The following FASTKD1 variants were observed in gnomAD, a reference collection of about 807,000 sequenced individuals.
The protein encoded by FASTKD1 is FAST kinase domains 1.
In FASTKD1, 94 loss-of-function variants were observed where a neutral mutation model predicts 90.9. The ratio of observed to expected loss-of-function variants is 1.03; its 90% confidence interval spans 0.88 to 1.23. The LOEUF is 1.23. FASTKD1 is among the 50% of genes most tolerant of loss of function. The pLI, the probability that FASTKD1 is intolerant of heterozygous loss-of-function variation, is 0.00. For synonymous variants in FASTKD1, 319 were observed against 345.8 expected (o/e 0.92, Z 0.86); for missense variants, 945 against 993.5 (o/e 0.95, Z 0.66).
chr2:169,564,371 A>G (rs1362162560), intron 3 of FASTKD1, among the ~76,000 whole-genome samples: 1 of 152,038 alleles, frequency 6.6e-6, no homozygotes, highest in Admixed American at 6.6e-5. Context: ...GCCCAGGCTG[A>G]ACTTGAACAT....
Position 169,529,814 on chromosome 2 carries a change from T to G in FASTKD1, c.*11A>C, listed in dbSNP as rs1359348156. The G allele has an allele frequency of 5.7e-6, 9 of 1,576,060 alleles. No individual in the cohort carries two copies. Among genetic ancestry groups the G allele is most frequent in the Non-Finnish European group, 7.8e-6 (9 of 1,153,140 alleles). On this transcript the variant is annotated 3_prime_UTR_variant, in exon 15 of 15. Transcript: ENST00000453153. ...AATGTAACACACGATAACATTCATT[T>G]TAAATAAAAACTACAAACATGACTT...
chr2:169,532,402 C>CA (rs57524382), intron 12 of FASTKD1, among the ~76,000 whole-genome samples: 19,315 of 80,372 alleles, frequency 0.24, 1,434 homozygotes, highest in East Asian at 0.4. Context: ...CAGAGCCAGA[C>CA]AAAAAAAAAA....
intron 4 of FASTKD1, among the ~76,000 whole-genome samples, chr2:169,561,882 T>G (rs1386084155): frequency 7.0e-5 from 10 of 143,618 alleles, no homozygotes; most frequent in African/African-American, 1.7e-4. Flanking sequence ...TATTAATTTA[T>G]TGTAAATTAT....
chr2:169,563,800 A>T (rs78315628), intron 3 of FASTKD1, among the ~76,000 whole-genome samples: 2 of 152,176 alleles, frequency 1.3e-5, no homozygotes, highest in Non-Finnish European at 2.9e-5. Context: ...CACATATGTA[A>T]TAGCAAAACC....
chr2:169,529,443 G>C lies in FASTKD1; in HGVS notation c.*382C>G, dbSNP rs961852856. 6.6e-6 allele frequency among the ~76,000 whole-genome samples: 1 copy of C among 152,146 alleles called. No individual in the cohort carries two copies. The highest frequency in any genetic ancestry group is 2.4e-5 in the African/African-American group (1 of 41,432). ...ACCATCCATTGTTGTCTGGATTATT[G>C]CAATGACCTCGTAAAGAGTTTTCTT... On this transcript the variant is annotated 3_prime_UTR_variant, in exon 15 of 15. Transcript: ENST00000453153.
At chr2:169,562,569 T>C (rs1055728462) in intron 4 of FASTKD1, among the ~76,000 whole-genome samples, 3 of 152,144 alleles carry the variant, frequency 2.0e-5, no homozygotes, top group Admixed American at 6.6e-5. Flanking sequence ...TTCTTGGGTT[T>C]ACTTCATGAT....
intron 10 of FASTKD1, among the ~76,000 whole-genome samples, chr2:169,539,160 C>T (rs1030945843): frequency 1.1e-4 from 16 of 151,402 alleles, no homozygotes; most frequent in Admixed American, 3.3e-4. Flanking sequence ...CCCCGCTACT[C>T]GAGAGGCTGA....
At chr2:169,547,306 G>T (rs1685249987) in intron 7 of FASTKD1, among the ~76,000 whole-genome samples, 1 of 152,212 alleles carries the variant, frequency 6.6e-6, no homozygotes, top group Non-Finnish European at 1.5e-5. Context: ...CTATCCGGAA[G>T]CAGTCCAAAC....
intron 14 of FASTKD1, 78 bp from the exon 15 acceptor site, chr2:169,530,004 C>T: frequency 5.3e-6 from 5 of 937,836 alleles, no homozygotes; most frequent in Non-Finnish European, 6.6e-6. Flanking sequence ...ATAAGCACTA[C>T]TGATCAAAGC....
chr2:169,534,463 C>CTTT (rs1210482307), intron 12 of FASTKD1, among the ~76,000 whole-genome samples: 1 of 110,672 alleles, frequency 9.0e-6, no homozygotes, highest in Non-Finnish European at 1.8e-5. Context: ...TTTTTTTTTT[C>CTTT]TTTTTTTTTT....
At chr2:169,569,132 TTAACCCTGAAAAGAA>T in intron 3 of FASTKD1, 37 bp downstream of exon 3, 2 of 1,478,212 alleles carry the variant, frequency 1.4e-6, no homozygotes, top group Middle Eastern at 1.7e-4. Context: ...TTTCACTCTG[TTAACCCTGAAAAGAA>T]TAACCCTGAT....
chr2:169,565,945 T>C (rs1252865854), intron 3 of FASTKD1, among the ~76,000 whole-genome samples: 6 of 152,248 alleles, frequency 3.9e-5, no homozygotes, highest in African/African-American at 1.4e-4. Context: ...GTTGCACCTT[T>C]TCATATGCCT....
chr2:169,540,504 T>G (rs529470789), intron 9 of FASTKD1, among the ~76,000 whole-genome samples: 1 of 152,300 alleles, frequency 6.6e-6, no homozygotes, highest in South Asian at 2.1e-4. Flanking sequence ...TAGTAAGAAG[T>G]TTTAAAAATA....
chr2:169,561,351 A>T (rs1245327090), intron 4 of FASTKD1, among the ~76,000 whole-genome samples: 3 of 151,902 alleles, frequency 2.0e-5, no homozygotes, highest in Non-Finnish European at 4.4e-5. Context: ...ACTATAATTT[A>T]ATTTTACCAA....
At chr2:169,554,752 T>C (rs953807926) in intron 7 of FASTKD1, among the ~76,000 whole-genome samples, 4 of 152,142 alleles carry the variant, frequency 2.6e-5, no homozygotes, top group Non-Finnish European at 5.9e-5. Flanking sequence ...AGCCTTAAAA[T>C]AGGCATGAAT....
In FASTKD1 at chr2:169,569,203, C is replaced by T. The variant is rs755032684; in HGVS notation, c.427G>A (p.Ala143Thr). Residue 143 changes from alanine to threonine, a missense_variant, in exon 3 of 15, where the codon GCA (alanine) becomes ACA (threonine). By Grantham distance (58) the Ala-to-Thr change is moderately conservative (BLOSUM62 0). Coordinates refer to ENST00000453153, the MANE Select transcript of FASTKD1 (RefSeq NM_024622.6). ...ACTTGCCTTTCTAGCCTTCTCCATG[C>T]TTCTGTAACTAGTGCTTCAACTAGC... Reference protein sequence around the residue: ...DPLVEALVTEAWRRLERFDIK... With the variant: ...DPLVEALVTETWRRLERFDIK... 9 of 1,613,968 alleles carry T rather than the reference C, an allele frequency of 5.6e-6. No individual in the cohort carries two copies. The South Asian group carries it at 9.9e-5, about 18-fold the overall frequency.
At position 169,560,594 on chromosome 2, in the gene FASTKD1, A is replaced by C. The variant is rs550667802; in HGVS notation, c.764T>G (p.Val255Gly). The C allele has an allele frequency of 3.1e-6, 5 of 1,608,144 alleles. No individual in the cohort carries two copies. Among genetic ancestry groups the C allele is most frequent in the Non-Finnish European group, 4.2e-6 (5 of 1,177,886 alleles). ...AAGGTGGTCCACATTACTTAAAAAT[A>C]CGTTATTACATCTTTCTAATAGTGG... The part of the protein sequence containing the change: ...YQPLLERCNN[V>G]FLSNVDHLDL... Residue 255 changes from valine (V) to glycine (G), a missense_variant, in exon 5 of 15, where the codon GTA becomes GGA. Physicochemically the swap from Val to Gly is moderately radical, Grantham distance 109. Transcript: ENST00000453153.
At chr2:169,568,669 AAG>A (rs1345738691) in intron 3 of FASTKD1, among the ~76,000 whole-genome samples, 2 of 149,414 alleles carry the variant, frequency 1.3e-5, no homozygotes, top group Admixed American at 6.7e-5. Flanking sequence ...GAGACAGAAA[AAG>A]AGAGAAGAAA....
chr2:169,561,800 T>A (rs867020077), intron 4 of FASTKD1, among the ~76,000 whole-genome samples: 2 of 132,310 alleles, frequency 1.5e-5, no homozygotes, highest in South Asian at 2.1e-4. Flanking sequence ...TTGTAAATTA[T>A]TTATTAATTT....
Sources: allele counts gnomAD v4.1 joint callset (sites outside exome capture counted in the v4.1 genomes callset), GRCh38; gene constraint gnomAD v4.1.1; transcripts MANE v1.5; gene names NCBI Gene and HGNC (gene_info 2026-07-23, HGNC 2026-07-21).